DOCK4: variants seen among roughly 807,000 people sequenced by gnomAD.
The protein encoded by DOCK4 is dedicator of cytokinesis protein 4.
Under a neutral mutation model 268.1 loss-of-function variants are expected in DOCK4, and 97 were observed. The observed-to-expected ratio is 0.36, with a 90% CI of 0.31 to 0.43. The LOEUF is 0.43. Among genes scored for constraint, DOCK4 ranks in the 20% least tolerant of loss-of-function variants. The pLI is 1.00. For missense variants in DOCK4, 2,145 were observed against 2,455.7 expected, an observed-to-expected ratio of 0.87 and a Z score of 2.67; for synonymous variants, 954 against 887.2, an observed-to-expected ratio of 1.08 and a Z score of -1.34.
intron 8 of DOCK4, among the ~76,000 whole-genome samples, chr7:111,952,708 A>G (rs1012818746): frequency 6.6e-6 from 1 of 152,184 alleles, no homozygotes; most frequent in African/African-American, 2.4e-5. Context: ...AATTACAAAG[A>G]ACGCTTGTAA....
rs373126240 is a variant in DOCK4, at chr7:111,742,052, A to G, written c.4758T>C (p.Val1586=). 6.2e-7 allele frequency: 1 copy of G among 1,608,962 alleles called. No individual in the cohort carries two copies. The highest frequency in any genetic ancestry group is 1.7e-5 in the Admixed American group (1 of 58,968). ...QDMRPLHKKL[V]DQFFVMKSSL... is the part of the protein sequence containing the mutation. ...TCGACTTCATCACAAAGAATTGGTC[A>G]ACCAGCTTTTTGTGAAGGGGTCTCA... is the stretch of plus-strand genomic sequence containing the variant. Residue 1586 remains valine (V), a synonymous_variant, in exon 45 of 53, where the codon GTT becomes GTC. Transcript: ENST00000428084.
At chr7:111,936,230 G>T (rs1482792795) in intron 11 of DOCK4, among the ~76,000 whole-genome samples, 1 of 152,170 alleles carries the variant, frequency 6.6e-6, no homozygotes, top group African/African-American at 2.4e-5. Context: ...CAAAAGACTG[G>T]CAGGATTTAC....
intron 1 of DOCK4, among the ~76,000 whole-genome samples, chr7:112,174,343 C>A (rs1818326021): frequency 6.6e-6 from 1 of 152,276 alleles, no homozygotes; most frequent in South Asian, 2.1e-4. Context: ...GTCTTTAATT[C>A]ATTCAGAAGC....
At chr7:111,888,480 T>C (rs1263218188) in intron 16 of DOCK4, among the ~76,000 whole-genome samples, 1 of 151,972 alleles carries the variant, frequency 6.6e-6, no homozygotes, top group Non-Finnish European at 1.5e-5. Context: ...ATTTTTGATA[T>C]GAAGTGCTTC....
chr7:111,905,639 A>C (rs1050306037), intron 13 of DOCK4, among the ~76,000 whole-genome samples: 2 of 152,016 alleles, frequency 1.3e-5, no homozygotes, highest in African/African-American at 4.8e-5. Flanking sequence ...AAACCACTGT[A>C]CACTGTCCCA....
In DOCK4 at chr7:111,844,801, A is replaced by G; in HGVS notation, c.2698T>C (p.Ser900Pro). ...ILEITSRPQP[S>P]SSAMRFQFQD... ...AACTGGAACCGCATTGCTGAGCTGG[A>G]TGGCTGAGGTCGGCTGGTGATCTCC... Residue 900 changes from serine (S) to proline (P), a missense_variant, in exon 25 of 53, where the codon TCC becomes CCC. Ser to Pro is a moderately conservative substitution (Grantham distance 74). Coordinates refer to ENST00000428084, the MANE Select transcript of DOCK4 (RefSeq NM_001363540.2). The G allele has an allele frequency of 1.2e-6, 2 of 1,613,750 alleles. No individual in the cohort carries two copies. The highest frequency in any genetic ancestry group is 1.7e-6 in the Non-Finnish European group (2 of 1,179,764).
At chr7:111,895,552 G>GTGAGGTGTTATT in intron 16 of DOCK4, 60 bp downstream of exon 16, 3 of 1,353,550 alleles carry the variant, frequency 2.2e-6, no homozygotes, top group Non-Finnish European at 3.2e-6. Context: ...TGATAAGATA[G>GTGAGGTGTTATT]TGAGGTGTTA....
At chr7:111,844,239 G>A (rs1322212145) in intron 25 of DOCK4, among the ~76,000 whole-genome samples, 2 of 152,082 alleles carry the variant, frequency 1.3e-5, no homozygotes, top group East Asian at 3.9e-4. Flanking sequence ...TCACACACTC[G>A]CACTCCAACC....
At chr7:111,789,342 C>G (rs1383197941) in intron 31 of DOCK4, 3 of 153,176 alleles carry the variant, frequency 2.0e-5, no homozygotes, top group African/African-American at 7.2e-5. Flanking sequence ...TTATATTTTC[C>G]AGGATGTAAA....
At chr7:111,747,202 A>AT in intron 43 of DOCK4, 65 bp downstream of exon 43, 45 of 1,507,290 alleles carry the variant, frequency 3.0e-5, no homozygotes, top group Non-Finnish European at 3.9e-5. Flanking sequence ...CTGAAAAAAG[A>AT]TTCATGAAAC....
intron 1 of DOCK4, among the ~76,000 whole-genome samples, chr7:112,105,133 GTCACCA>G (rs1811022822): frequency 6.6e-6 from 1 of 152,150 alleles, no homozygotes; most frequent in African/African-American, 2.4e-5. Flanking sequence ...AAAACTCCCA[GTCACCA>G]TCACCTTGAA....
chr7:112,124,920 T>C (rs1171947893), intron 1 of DOCK4, among the ~76,000 whole-genome samples: 1 of 152,212 alleles, frequency 6.6e-6, no homozygotes, highest in Non-Finnish European at 1.5e-5. Context: ...TGCTAAGAAC[T>C]AAATAACAGA....
intron 8 of DOCK4, among the ~76,000 whole-genome samples, chr7:111,958,701 C>T (rs942377733): frequency 1.4e-4 from 22 of 152,126 alleles, no homozygotes; most frequent in African/African-American, 1.9e-4. Flanking sequence ...CTTGGAATTT[C>T]GGGCCACCTA....
chr7:112,033,625 A>G (rs1048867791), intron 1 of DOCK4, among the ~76,000 whole-genome samples: 1 of 152,098 alleles, frequency 6.6e-6, no homozygotes, highest in Non-Finnish European at 1.5e-5. Context: ...TCTTGACTTC[A>G]TGGGTTATGA....
chr7:111,760,166 T>G lies in DOCK4; in HGVS notation c.4162+15A>C. 6.2e-7 allele frequency: 1 copy of G among 1,613,624 alleles called. No individual in the cohort carries two copies. Among genetic ancestry groups the G allele is most frequent in the Non-Finnish European group, 8.5e-7 (1 of 1,179,638 alleles). Reference sequence around the variant, plus strand: ...GTGCAATCTCACTGAGTCCAGCCCTTGTAGGTGCGGATACACTGAGCTTCT... The same window carrying G: ...GTGCAATCTCACTGAGTCCAGCCCTGGTAGGTGCGGATACACTGAGCTTCT... On this transcript the variant is annotated intron_variant, in intron 40 of 52. Transcript: ENST00000428084.
At chr7:112,177,307 G>A (rs573661360) in intron 1 of DOCK4, among the ~76,000 whole-genome samples, 6 of 152,280 alleles carry the variant, frequency 3.9e-5, no homozygotes, top group East Asian at 1.9e-4. Flanking sequence ...TAGCTCTTCC[G>A]AAATACATAG....
intron 7 of DOCK4, among the ~76,000 whole-genome samples, chr7:111,979,796 G>C (rs931487372): frequency 1.3e-5 from 2 of 152,126 alleles, no homozygotes; most frequent in Non-Finnish European, 2.9e-5. Context: ...ACATTCACAA[G>C]AATTGAGGAG....
chr7:111,926,072 C>T (rs555686482), intron 12 of DOCK4, among the ~76,000 whole-genome samples: 2 of 130,068 alleles, frequency 1.5e-5, no homozygotes, highest in South Asian at 2.4e-4. Context: ...TCCAGCCTGG[C>T]GACAGAGCGA....
At chr7:111,835,760 G>C (rs1251464540) in intron 25 of DOCK4, among the ~76,000 whole-genome samples, 1 of 152,134 alleles carries the variant, frequency 6.6e-6, no homozygotes, top group Non-Finnish European at 1.5e-5. Flanking sequence ...GCCCTGAGAA[G>C]GGAATTTTTC....
Sources: allele counts gnomAD v4.1 joint callset (sites outside exome capture counted in the v4.1 genomes callset), GRCh38; gene constraint gnomAD v4.1.1; transcripts MANE v1.5; gene names NCBI Gene and HGNC (gene_info 2026-07-23, HGNC 2026-07-21).